The following VPS13B variants were observed in gnomAD, a reference collection of about 807,000 sequenced individuals.
VPS13B encodes intermembrane lipid transfer protein VPS13B.
In VPS13B, 285 loss-of-function variants were observed where a neutral mutation model predicts 426.4. The observed-to-expected ratio is 0.67, with a 90% confidence interval of 0.61 to 0.74. The LOEUF (loss-of-function observed/expected upper bound fraction) is 0.74, where lower values mean the gene tolerates loss of function less well. Ranked by LOEUF, VPS13B falls within the 30% of genes least tolerant of loss-of-function variation. The pLI is 0.00. For missense variants in VPS13B, 4,537 were observed against 4,782.6 expected (o/e 0.95, Z 1.51); for synonymous variants, 1,676 against 1,676.4 (o/e 1.00, Z 0.01).
chr8:99,383,515 T>C (rs1229833201), intron 19 of VPS13B, among the ~76,000 whole-genome samples: 1 of 152,200 alleles, frequency 6.6e-6, no homozygotes, highest in Non-Finnish European at 1.5e-5. Flanking sequence ...TTTTATATTG[T>C]GTGATTCAAT....
intron 17 of VPS13B, among the ~76,000 whole-genome samples, chr8:99,264,177 G>A (rs887405690): frequency 6.7e-6 from 1 of 149,664 alleles, no homozygotes; most frequent in South Asian, 2.1e-4. Flanking sequence ...ATTCCTTCAG[G>A]TGTGTGAGAT....
chr8:99,726,821 G>A (rs1030739031), intron 39 of VPS13B, among the ~76,000 whole-genome samples: 5 of 152,168 alleles, frequency 3.3e-5, no homozygotes, highest in African/African-American at 1.2e-4. Flanking sequence ...CTCCCAAAGT[G>A]CTGGGATTAC....
At chr8:99,410,600 C>A (rs1183252102) in intron 21 of VPS13B, among the ~76,000 whole-genome samples, 1 of 151,518 alleles carries the variant, frequency 6.6e-6, no homozygotes, top group Non-Finnish European at 1.5e-5. Context: ...TTCTGGGATA[C>A]ATGTGTAGAA....
At chr8:99,639,673 AAT>A (rs1259579141) in intron 33 of VPS13B, among the ~76,000 whole-genome samples, 4 of 148,680 alleles carry the variant, frequency 2.7e-5, no homozygotes, top group South Asian at 2.1e-4. Flanking sequence ...TATATATAAA[AAT>A]ATGTTTTTTT....
In VPS13B at chr8:99,278,823, C is replaced by T. The variant is rs1819024562; in HGVS notation, c.2824+3569C>T. On this transcript the variant is annotated intron_variant, in intron 19 of 61. Transcript: ENST00000357162. ...TGAAGTCTCAGCAATTCCCTTTACA[C>T]TTTTCCCACTTCCTTCCTTGATTGC... Among the ~76,000 whole-genome samples the T allele has an allele frequency of 1.3e-5, 2 of 152,234 alleles. 1 individual carries two copies. The highest frequency in any genetic ancestry group is 4.1e-4 in the South Asian group (2 of 4,824).
chr8:99,693,795 C>T (rs998210681), intron 35 of VPS13B, among the ~76,000 whole-genome samples: 1 of 149,840 alleles, frequency 6.7e-6, no homozygotes, highest in African/African-American at 2.5e-5. Context: ...ATCTAGAAAA[C>T]CCCATCGTCT....
intron 55 of VPS13B, among the ~76,000 whole-genome samples, chr8:99,850,935 A>G (rs997467429): frequency 3.3e-5 from 5 of 152,186 alleles, no homozygotes; most frequent in Non-Finnish European, 5.9e-5. Flanking sequence ...TGGAAAAAAA[A>G]CAAAACAAAA....
At chr8:99,410,641 G>A (rs1815592955) in intron 21 of VPS13B, among the ~76,000 whole-genome samples, 1 of 151,822 alleles carries the variant, frequency 6.6e-6, no homozygotes, top group South Asian at 2.1e-4. Flanking sequence ...GTATACACGT[G>A]CCATGGTGGT....
At chr8:99,529,753 C>T (rs1822832067) in intron 30 of VPS13B, among the ~76,000 whole-genome samples, 1 of 152,200 alleles carries the variant, frequency 6.6e-6, no homozygotes, top group Admixed American at 6.5e-5. Flanking sequence ...TAAAATATCA[C>T]AGGTGTTTGG....
chr8:99,867,534 A>C (rs1475673669), intron 58 of VPS13B, among the ~76,000 whole-genome samples: 2 of 152,236 alleles, frequency 1.3e-5, no homozygotes, highest in African/African-American at 2.4e-5. Context: ...CTGTTTTATA[A>C]ATGGGATAAG....
chr8:99,871,072 G>A, intron 60 of VPS13B, 185 bp downstream of exon 60: 3 of 677,208 alleles, frequency 4.4e-6, no homozygotes, highest in Non-Finnish European at 7.7e-6. Flanking sequence ...GCCAGGTTTG[G>A]GGCTGGCTGC....
chr8:99,274,860 A>G (rs1818809827), intron 18 of VPS13B, among the ~76,000 whole-genome samples: 2 of 152,070 alleles, frequency 1.3e-5, no homozygotes, highest in South Asian at 2.1e-4. Flanking sequence ...GTTTCCTTTT[A>G]TAAGCTTTTC....
chr8:99,429,649 T>G (rs1255883306), intron 21 of VPS13B: 1 of 152,168 alleles, frequency 6.6e-6, no homozygotes, highest in Non-Finnish European at 1.5e-5. Flanking sequence ...AATCCATCAG[T>G]AAGTCTTATT....
At chr8:99,014,483 C>G (rs1841505203) in intron 2 of VPS13B, among the ~76,000 whole-genome samples, 1 of 151,954 alleles carries the variant, frequency 6.6e-6, no homozygotes, top group Non-Finnish European at 1.5e-5. Flanking sequence ...CTTAAAGTTG[C>G]TTTGACAGAA....
intron 3 of VPS13B, among the ~76,000 whole-genome samples, chr8:99,041,093 A>G (rs1468220508): frequency 6.6e-6 from 1 of 152,198 alleles, no homozygotes; most frequent in Admixed American, 6.5e-5. Context: ...CCTTACAATC[A>G]GTTTTACTTA....
At chr8:99,127,710 A>G (rs1276880206) in intron 8 of VPS13B, among the ~76,000 whole-genome samples, 1 of 152,228 alleles carries the variant, frequency 6.6e-6, no homozygotes. Flanking sequence ...TTCAGATTAC[A>G]TCTACTCATA....
At chr8:99,423,421 T>C (rs1816490708) in intron 21 of VPS13B, among the ~76,000 whole-genome samples, 1 of 135,040 alleles carries the variant, frequency 7.4e-6, no homozygotes, top group Non-Finnish European at 1.6e-5. Flanking sequence ...AACATCTAGC[T>C]AATTTTTTTT....
intron 33 of VPS13B, among the ~76,000 whole-genome samples, chr8:99,628,142 TTTTTTCCCACA>T (rs1449102504): frequency 3.3e-5 from 5 of 152,206 alleles, no homozygotes; most frequent in Admixed American, 6.5e-5. Context: ...ACAAAGTCAG[TTTTTTCCCACA>T]TAGCTGCACA....
At chr8:99,118,855 T>G (rs2132508272) in intron 7 of VPS13B, among the ~76,000 whole-genome samples, 1 of 152,356 alleles carries the variant, frequency 6.6e-6, no homozygotes, top group South Asian at 2.1e-4. Flanking sequence ...CTTTCATAGA[T>G]ATTTTTGTAC....
Sources: gnomAD v4.1 joint callset for allele counts (sites outside exome capture counted in the v4.1 genomes callset) on GRCh38, gnomAD v4.1.1 for gene constraint, MANE v1.5 for transcripts, NCBI Gene and HGNC (gene_info 2026-07-23, HGNC 2026-07-21) for gene names.